The following KHDRBS3 variants were observed in gnomAD, a reference collection of about 807,000 sequenced individuals.
KHDRBS3 encodes KH domain-containing, RNA-binding, signal transduction-associated protein 3.
A neutral mutation model predicts 45.6 loss-of-function variants in KHDRBS3; 23 were observed. The ratio of observed to expected loss-of-function variants is 0.50; its 90% CI spans 0.36 to 0.72. The LOEUF is 0.72. Among genes scored for constraint, KHDRBS3 ranks in the 30% least tolerant of loss-of-function variants. The pLI is 0.00. For synonymous variants in KHDRBS3, 162 were observed against 156.5 expected (o/e 1.04, Z -0.26); for missense variants, 352 against 424.8 (o/e 0.83, Z 1.51).
At chr8:135,507,949 C>T (rs1396368664) in intron 1 of KHDRBS3, among the ~76,000 whole-genome samples, 1 of 151,934 alleles carries the variant, frequency 6.6e-6, no homozygotes, top group Non-Finnish European at 1.5e-5. Context: ...TGTTTTATGC[C>T]TGTTTGGCCG....
At chr8:135,512,655 A>G (rs1260544645) in intron 1 of KHDRBS3, among the ~76,000 whole-genome samples, 1 of 152,198 alleles carries the variant, frequency 6.6e-6, no homozygotes, top group Non-Finnish European at 1.5e-5. Context: ...ACATTCATTC[A>G]TTCATTTATT....
At chr8:135,476,437 C>T (rs374823619) in intron 1 of KHDRBS3, among the ~76,000 whole-genome samples, 8 of 152,194 alleles carry the variant, frequency 5.3e-5, no homozygotes, top group East Asian at 3.9e-4. Flanking sequence ...CCACGGCGCC[C>T]GACCCCCATT....
At position 135,548,952 on chromosome 8, in the gene KHDRBS3, A is replaced by G. The variant is rs770130660; in HGVS notation, c.471+52A>G. 15 of 1,304,052 alleles carry G rather than the reference A, an allele frequency of 1.2e-5. No homozygotes were observed. The East Asian group carries it at 3.7e-4, about 32-fold the overall frequency. 80.8% of individuals were successfully genotyped at this position (1,304,052 alleles called of 1,614,324 possible). On this transcript the variant is annotated intron_variant, in intron 4 of 8. Transcript: ENST00000355849. ...ACTTGTACTTTAAAGTCTTTGCTTT[A>G]ATCCTTGATACTTCTTGTCTGTAAC...
intron 7 of KHDRBS3, among the ~76,000 whole-genome samples, chr8:135,637,484 T>C (rs2131166511): frequency 6.6e-6 from 1 of 152,252 alleles, no homozygotes; most frequent in South Asian, 2.1e-4. Flanking sequence ...ATCATGACGA[T>C]TACAGATAAG....
At chr8:135,463,961 C>T (rs375934406) in intron 1 of KHDRBS3, among the ~76,000 whole-genome samples, 1 of 152,134 alleles carries the variant, frequency 6.6e-6, no homozygotes, top group Non-Finnish European at 1.5e-5. Flanking sequence ...CTCCCATCCC[C>T]GCAAGATCTT....
chr8:135,536,788 G>A (rs1408700169), intron 2 of KHDRBS3, among the ~76,000 whole-genome samples: 15 of 149,460 alleles, frequency 1.0e-4, no homozygotes, highest in African/African-American at 2.2e-4. Flanking sequence ...GTGAAACCCC[G>A]TCTCTACTAA....
At chr8:135,462,495 G>T (rs766108093) in intron 1 of KHDRBS3, among the ~76,000 whole-genome samples, 1 of 151,990 alleles carries the variant, frequency 6.6e-6, no homozygotes, top group Admixed American at 6.6e-5. Context: ...ATGAATTTTC[G>T]GTTTGTAGAT....
intron 7 of KHDRBS3, among the ~76,000 whole-genome samples, chr8:135,621,109 G>A (rs928364492): frequency 7.3e-6 from 1 of 137,302 alleles, no homozygotes; most frequent in African/African-American, 2.7e-5. Context: ...CTACGTGGAA[G>A]AATCACCTAT....
intron 7 of KHDRBS3, among the ~76,000 whole-genome samples, chr8:135,642,738 C>A (rs886124346): frequency 1.3e-5 from 2 of 151,864 alleles, no homozygotes; most frequent in African/African-American, 4.8e-5. Context: ...CAAGGTGGGG[C>A]CTATATTCTA....
chr8:135,599,048 T>A (rs963298515), intron 6 of KHDRBS3, among the ~76,000 whole-genome samples: 1 of 152,256 alleles, frequency 6.6e-6, no homozygotes, highest in African/African-American at 2.4e-5. Flanking sequence ...TCATACTGTT[T>A]CCTTTATCCT....
chr8:135,646,250 G>A (rs984133877), intron 8 of KHDRBS3, among the ~76,000 whole-genome samples: 1 of 151,996 alleles, frequency 6.6e-6, no homozygotes, highest in East Asian at 1.9e-4. Context: ...TGATGTCCAA[G>A]ACTTATAGAT....
At chr8:135,485,346 G>A (rs1436056149) in intron 1 of KHDRBS3, among the ~76,000 whole-genome samples, 2 of 152,132 alleles carry the variant, frequency 1.3e-5, no homozygotes, top group South Asian at 4.1e-4. Context: ...ACACAGAATG[G>A]TAGTTTTTAA....
Position 135,639,190 on chromosome 8 carries a change from G to A in KHDRBS3, c.891-5869G>A, listed in dbSNP as rs369207035. On this transcript the variant is annotated intron_variant, in intron 7 of 8. Transcript: ENST00000355849. Reference sequence around the variant, plus strand: ...TGATAAGGGATGAAAAGTTTAAGAGGAGTAATGGTGGTGATTGCGATGAAG... The same window carrying A: ...TGATAAGGGATGAAAAGTTTAAGAGAAGTAATGGTGGTGATTGCGATGAAG... Among the ~76,000 whole-genome samples, 5 of 152,256 alleles carry A rather than the reference G, an allele frequency of 3.3e-5. No homozygotes were observed. In the South Asian group the frequency reaches 1.0e-3, roughly 32 times the overall value.
chr8:135,483,663 G>A (rs867564022), intron 1 of KHDRBS3, among the ~76,000 whole-genome samples: 5 of 152,122 alleles, frequency 3.3e-5, no homozygotes, highest in Middle Eastern at 3.2e-3. Flanking sequence ...TGTGATGAGG[G>A]CATCAGCCTT....
chr8:135,478,469 G>A (rs886659977), intron 1 of KHDRBS3, among the ~76,000 whole-genome samples: 4 of 152,156 alleles, frequency 2.6e-5, no homozygotes, highest in African/African-American at 9.7e-5. Flanking sequence ...AACATTGTAA[G>A]CCAACTAGAC....
At chr8:135,491,277 T>C (rs1357535382) in intron 1 of KHDRBS3, among the ~76,000 whole-genome samples, 14 of 152,150 alleles carry the variant, frequency 9.2e-5, no homozygotes, top group Non-Finnish European at 1.5e-5. Flanking sequence ...TTCAGTTACT[T>C]TTCATGTCCC....
intron 6 of KHDRBS3, among the ~76,000 whole-genome samples, chr8:135,585,360 A>G (rs1279349057): frequency 1.3e-4 from 20 of 152,136 alleles, no homozygotes; most frequent in Admixed American, 1.3e-3. Flanking sequence ...TCATTCATGC[A>G]TCAAATGGGA....
chr8:135,527,272 G>T (rs1825240409), intron 2 of KHDRBS3, among the ~76,000 whole-genome samples: 1 of 152,258 alleles, frequency 6.6e-6, no homozygotes, highest in Middle Eastern at 3.4e-3. Context: ...AATACAGGTT[G>T]CCCTGAAAGA....
At chr8:135,652,072 A>G (rs1831441235), downstream of KHDRBS3, among the ~76,000 whole-genome samples, 1 of 152,242 alleles carries the variant, frequency 6.6e-6, no homozygotes, top group African/African-American at 2.4e-5. Flanking sequence ...TTTAAGGAAT[A>G]AAGTTTATTT....
Sources: gnomAD v4.1 joint callset for allele counts (sites outside exome capture counted in the v4.1 genomes callset) on GRCh38, gnomAD v4.1.1 for gene constraint, MANE v1.5 for transcripts, NCBI Gene and HGNC (gene_info 2026-07-23, HGNC 2026-07-21) for gene names.